Variants in ROBO2 observed in about 807,000 individuals in gnomAD.
ROBO2 encodes the protein roundabout guidance receptor 2.
In ROBO2, 53 loss-of-function variants were observed where a neutral mutation model predicts 160.8. The observed-to-expected ratio is 0.33, with a 90% CI of 0.26 to 0.41. The LOEUF (loss-of-function observed/expected upper bound fraction) is 0.41, where lower values mean the gene tolerates loss of function less well. ROBO2 is among the 10% of genes least tolerant of loss of function. The pLI is 1.00. For synonymous variants in ROBO2, 664 were observed against 611.7 expected (o/e 1.09, Z -1.26); for missense variants, 1,577 against 1,722.4 (o/e 0.92, Z 1.49).
intron 2 of ROBO2, among the ~76,000 whole-genome samples, chr3:76,047,715 A>G (rs938033461): frequency 1.3e-5 from 2 of 152,348 alleles, no homozygotes; most frequent in Non-Finnish European, 2.9e-5. Flanking sequence ...CAGAGACAAT[A>G]TGCCTGCGTG....
intron 2 of ROBO2, among the ~76,000 whole-genome samples, chr3:77,174,706 A>C (rs74490777): frequency 6.6e-6 from 1 of 151,954 alleles, no homozygotes; most frequent in Non-Finnish European, 1.5e-5. Flanking sequence ...ATTTTCATTT[A>C]CTCCAGTCGA....
At chr3:76,192,264 C>G (rs1702042014) in intron 2 of ROBO2, among the ~76,000 whole-genome samples, 1 of 151,716 alleles carries the variant, frequency 6.6e-6, no homozygotes. Flanking sequence ...AGTTAGTGCC[C>G]TTAGTAACCT....
intron 2 of ROBO2, among the ~76,000 whole-genome samples, chr3:76,316,193 C>A (rs1432704878): frequency 6.6e-6 from 1 of 152,104 alleles, no homozygotes; most frequent in Admixed American, 6.6e-5. Context: ...ACTGGTCTGA[C>A]CTGAAATTTA....
At chr3:76,348,223 C>T (rs996327182) in intron 2 of ROBO2, among the ~76,000 whole-genome samples, 3 of 152,116 alleles carry the variant, frequency 2.0e-5, no homozygotes, top group African/African-American at 7.2e-5. Context: ...CAGTATCAGT[C>T]TTCATAAGAA....
rs71104688 is a variant in ROBO2, at chr3:77,473,440, C to CTTTTTT, written c.389-3942_389-3937dup. 3.5e-4 allele frequency among the ~76,000 whole-genome samples: 27 copies of CTTTTTT among 77,936 alleles called. 7 individuals carry two copies. The highest frequency in any genetic ancestry group is 7.2e-4 in the East Asian group (2 of 2,764). 51.1% of individuals were successfully genotyped at this position (77,936 alleles called of 152,430 possible). On this transcript the variant is annotated intron_variant, in intron 2 of 25. Coordinates refer to ENST00000461745, the Ensembl canonical transcript of ROBO2. ...CTGCAGTTCGATTTTACAAACTGCT[C>CTTTTTT]TTTTTTTTTTTTTTTTTTTTTTTTT...
chr3:77,360,957 G>A (rs942100101), intron 2 of ROBO2, among the ~76,000 whole-genome samples: 9 of 151,578 alleles, frequency 5.9e-5, no homozygotes, highest in Non-Finnish European at 1.2e-4. Flanking sequence ...TCTTAATTTG[G>A]TGATTTTCTT....
chr3:76,130,712 A>T (rs557195465), intron 2 of ROBO2, among the ~76,000 whole-genome samples: 1 of 152,276 alleles, frequency 6.6e-6, no homozygotes, highest in South Asian at 2.1e-4. Flanking sequence ...ATTCAATAGG[A>T]AGAGAATTAT....
At chr3:76,006,838 A>C (rs1312156897) in intron 2 of ROBO2, among the ~76,000 whole-genome samples, 1 of 152,082 alleles carries the variant, frequency 6.6e-6, no homozygotes, top group Non-Finnish European at 1.5e-5. Flanking sequence ...CATCCAAACT[A>C]TATTGGAAAT....
chr3:77,610,741 C>CAAAAAAAAAAAAAAAA (rs71629658), intron 21 of ROBO2, among the ~76,000 whole-genome samples: 34 of 19,816 alleles, frequency 1.7e-3, no homozygotes, highest in Non-Finnish European at 2.4e-3. Context: ...GGCCAAAGAC[C>CAAAAAAAAAAAAAAAA]AAAAAAAAAA....
chr3:76,326,125 AATAGCTGT>A (rs1337998921), intron 2 of ROBO2, among the ~76,000 whole-genome samples: 1 of 152,164 alleles, frequency 6.6e-6, no homozygotes, highest in Admixed American at 6.5e-5. Context: ...GGTCTTAGAA[AATAGCTGT>A]TTACCAGTTT....
chr3:76,375,346 A>T (rs2076290876), intron 2 of ROBO2, among the ~76,000 whole-genome samples: 1 of 152,028 alleles, frequency 6.6e-6, no homozygotes, highest in Non-Finnish European at 1.5e-5. Flanking sequence ...CAAATAGATA[A>T]GGGTGGCAAA....
At chr3:76,175,304 C>A (rs952225044) in intron 2 of ROBO2, among the ~76,000 whole-genome samples, 2 of 151,942 alleles carry the variant, frequency 1.3e-5, no homozygotes, top group Non-Finnish European at 2.9e-5. Flanking sequence ...ATGTCATCTG[C>A]AAACAGATGA....
At chr3:77,111,880 C>A (rs989991573) in intron 2 of ROBO2, among the ~76,000 whole-genome samples, 1 of 152,078 alleles carries the variant, frequency 6.6e-6, no homozygotes, top group African/African-American at 2.4e-5. Context: ...TTTCTAAGTA[C>A]CTGTTTAAAT....
intron 2 of ROBO2, among the ~76,000 whole-genome samples, chr3:76,550,793 G>A (rs1054255306): frequency 6.6e-6 from 1 of 152,218 alleles, no homozygotes; most frequent in African/African-American, 2.4e-5. Context: ...GCACACTCGG[G>A]ATGGCACTGA....
At chr3:76,318,164 G>A (rs1051073570) in intron 2 of ROBO2, among the ~76,000 whole-genome samples, 2 of 152,006 alleles carry the variant, frequency 1.3e-5, no homozygotes, top group African/African-American at 4.8e-5. Context: ...TATTAGAAAA[G>A]TAGGTATATT....
At chr3:76,802,220 C>A (rs2064253443) in intron 2 of ROBO2, among the ~76,000 whole-genome samples, 1 of 152,222 alleles carries the variant, frequency 6.6e-6, no homozygotes, top group Admixed American at 6.5e-5. Flanking sequence ...AGGGTTGCCA[C>A]TAACCTTCAG....
upstream of ROBO2, among the ~76,000 whole-genome samples, chr3:77,039,257 G>C (rs1315326468): frequency 6.6e-6 from 1 of 152,162 alleles, no homozygotes; most frequent in Non-Finnish European, 1.5e-5. Flanking sequence ...AGTCCAAAAG[G>C]TGCTTCTATT....
chr3:76,737,753 G>A (rs964570939), intron 2 of ROBO2, among the ~76,000 whole-genome samples: 2 of 152,170 alleles, frequency 1.3e-5, no homozygotes, highest in Non-Finnish European at 2.9e-5. Flanking sequence ...TGGCAGTCAG[G>A]TAAACCCTCC....
intron 2 of ROBO2, among the ~76,000 whole-genome samples, chr3:76,175,718 T>C (rs2073204957): frequency 6.6e-6 from 1 of 152,116 alleles, no homozygotes; most frequent in Non-Finnish European, 1.5e-5. Context: ...AAAGGAACAA[T>C]TGCATGGAAG....
Sources: gnomAD v4.1 joint callset for allele counts (sites outside exome capture counted in the v4.1 genomes callset) on GRCh38, gnomAD v4.1.1 for gene constraint, MANE v1.5 for transcripts, NCBI Gene and HGNC (gene_info 2026-07-23, HGNC 2026-07-21) for gene names.